The following SLC44A1 variants were observed in gnomAD, a reference collection of about 807,000 sequenced individuals.
SLC44A1 encodes solute carrier family 44 member 1, also known as choline transporter-like protein 1.
Under a neutral mutation model 79.3 loss-of-function variants are expected in SLC44A1, and 26 were observed. The observed-to-expected ratio is 0.33, with a 90% CI of 0.24 to 0.46. The LOEUF (loss-of-function observed/expected upper bound fraction) is 0.46. Among genes scored for constraint, SLC44A1 ranks in the 20% least tolerant of loss-of-function variants. The pLI, the probability that SLC44A1 is intolerant of heterozygous loss-of-function variation, is 1.00. For missense variants in SLC44A1, 688 were observed against 798.1 expected (o/e 0.86, Z 1.66); for synonymous variants, 263 against 286.2 (o/e 0.92, Z 0.82).
At chr9:105,358,864 G>A (rs1016717933) in intron 7 of SLC44A1, among the ~76,000 whole-genome samples, 15 of 151,926 alleles carry the variant, frequency 9.9e-5, no homozygotes, top group South Asian at 8.3e-4. Context: ...GATGGTATAC[G>A]TTACATTTTC....
At position 105,411,446 on chromosome 9, in the gene SLC44A1, C is replaced by CTGTG. The variant is rs1156343764; in HGVS notation, c.1950+25946_1950+25949dup. Among the ~76,000 whole-genome samples, 1,107 of 142,752 alleles carry CTGTG rather than the reference C, an allele frequency of 7.8e-3. 19 individuals carry two copies. Among genetic ancestry groups the CTGTG allele is most frequent in the African/African-American group, 0.029 (1,060 of 36,698 alleles). 93.7% of individuals were successfully genotyped at this position (142,752 alleles called of 152,430 possible). A position where few individuals can be genotyped will look rare whatever the true frequency, so the allele number is the denominator to read the frequency against. On this transcript the variant is annotated intron_variant, in intron 15 of 15. Transcript: ENST00000374724. ...TGTCTCCATCTCTCTTGGTCTCTCTCTGTGTATGTGTGTGTGTGTGTGTGT... is the reference window on the plus strand; with the variant it reads ...TGTCTCCATCTCTCTTGGTCTCTCTCTGTGTGTGTATGTGTGTGTGTGTGTGTGT...
intron 13 of SLC44A1, among the ~76,000 whole-genome samples, chr9:105,375,032 T>C (rs1170919740): frequency 1.3e-5 from 2 of 152,162 alleles, no homozygotes; most frequent in Admixed American, 1.3e-4. Flanking sequence ...GTGTTGTTTT[T>C]TTGTTGTTGT....
intron 3 of SLC44A1, among the ~76,000 whole-genome samples, chr9:105,310,209 C>T (rs535303629): frequency 6.6e-6 from 1 of 151,756 alleles, no homozygotes; most frequent in South Asian, 2.1e-4. Context: ...ATATTTTCCT[C>T]TAAGATTATG....
chr9:105,374,840 T>C (rs1248550649), intron 13 of SLC44A1, 105 bp downstream of exon 13: 4 of 814,772 alleles, frequency 4.9e-6, no homozygotes, highest in Non-Finnish European at 7.9e-6. Context: ...AAAAGTAATA[T>C]ATAGCGAGTA....
intron 15 of SLC44A1, among the ~76,000 whole-genome samples, chr9:105,403,506 G>A (rs1475881584): frequency 1.3e-5 from 2 of 151,628 alleles, no homozygotes; most frequent in African/African-American, 4.8e-5. Context: ...AAAACAGAAA[G>A]ATAAGTCTTC....
At chr9:105,363,342 T>G (rs1459997284) in intron 9 of SLC44A1, among the ~76,000 whole-genome samples, 2 of 151,948 alleles carry the variant, frequency 1.3e-5, no homozygotes, top group East Asian at 1.9e-4. Context: ...TTTGTATTTT[T>G]AGTAGAGACA....
chr9:105,391,380 CA>C lies in SLC44A1; in HGVS notation c.*2327del, dbSNP rs932876625. The C allele has an allele frequency of 1.0e-6, 1 of 983,490 alleles. No homozygotes were observed. The highest frequency in any genetic ancestry group is 1.7e-5 in the African/African-American group (1 of 57,166). 60.9% of individuals were successfully genotyped at this position (983,490 alleles called of 1,614,324 possible). Reference sequence around the variant, plus strand: ...ATTTTATATAACAGGTCCTGTTTTACAAATAAATTTTGTTTTACTAACATTG... The same window carrying C: ...ATTTTATATAACAGGTCCTGTTTTACAATAAATTTTGTTTTACTAACATTG... On this transcript the variant is annotated 3_prime_UTR_variant, in exon 16 of 16. Coordinates refer to ENST00000374720, the MANE Select transcript of SLC44A1 (RefSeq NM_080546.5).
At chr9:105,368,579 C>A (rs2131426488) in intron 12 of SLC44A1, among the ~76,000 whole-genome samples, 1 of 152,224 alleles carries the variant, frequency 6.6e-6, no homozygotes, top group South Asian at 2.1e-4. Context: ...TTGCTCTTTC[C>A]AGTATATCAC....
intron 1 of SLC44A1, among the ~76,000 whole-genome samples, chr9:105,255,852 A>G (rs1417154477): frequency 3.9e-5 from 6 of 152,168 alleles, no homozygotes; most frequent in Non-Finnish European, 7.4e-5. Context: ...CAATAATAAA[A>G]CTTGCCTCAG....
At chr9:105,383,732 G>T (rs1828546749) in intron 14 of SLC44A1, among the ~76,000 whole-genome samples, 1 of 152,196 alleles carries the variant, frequency 6.6e-6, no homozygotes, top group Non-Finnish European at 1.5e-5. Flanking sequence ...GTGCCTACCT[G>T]TCTTTCTCTA....
intron 1 of SLC44A1, among the ~76,000 whole-genome samples, chr9:105,283,915 G>A (rs576089194): frequency 6.6e-6 from 1 of 152,264 alleles, no homozygotes; most frequent in Admixed American, 6.5e-5. Flanking sequence ...TCAGAAGGTT[G>A]CCTGATGACA....
At chr9:105,380,509 C>G (rs368401500) in intron 13 of SLC44A1, among the ~76,000 whole-genome samples, 16 of 151,868 alleles carry the variant, frequency 1.1e-4, no homozygotes, top group African/African-American at 3.6e-4. Context: ...TAAAGTCATG[C>G]GCCCTATTAA....
Position 105,298,772 on chromosome 9 carries a change from T to G in SLC44A1, c.37-448T>G, listed in dbSNP as rs144668438. ...ACAAAGAAAAAGCTAGCATTAAGAGTGAAGTTGGAAGAGTGTATTCATTTA... is the reference window on the plus strand; with the variant it reads ...ACAAAGAAAAAGCTAGCATTAAGAGGGAAGTTGGAAGAGTGTATTCATTTA... On this transcript the variant is annotated intron_variant, in intron 1 of 15. Transcript: ENST00000374720. Among the ~76,000 whole-genome samples, 267 of 151,978 alleles carry G rather than the reference T, an allele frequency of 1.8e-3. 2 individuals are homozygous for G. The highest frequency in any genetic ancestry group is 6.3e-3 in the African/African-American group (259 of 41,438).
intron 1 of SLC44A1, among the ~76,000 whole-genome samples, chr9:105,246,256 C>G (rs558505358): frequency 6.6e-6 from 1 of 152,242 alleles, no homozygotes; most frequent in South Asian, 2.1e-4. Context: ...TTTAAATAAC[C>G]TGCATACTTG....
chr9:105,256,168 A>G (rs1199493745), intron 1 of SLC44A1, among the ~76,000 whole-genome samples: 3 of 151,944 alleles, frequency 2.0e-5, no homozygotes. Flanking sequence ...ATGTACCACC[A>G]TGCCTGCTAA....
intron 1 of SLC44A1, among the ~76,000 whole-genome samples, chr9:105,278,123 G>A (rs1453771188): frequency 1.3e-5 from 2 of 151,654 alleles, no homozygotes; most frequent in East Asian, 1.9e-4. Flanking sequence ...GTGCAGTGGC[G>A]CTGTCTCCAC....
intron 3 of SLC44A1, among the ~76,000 whole-genome samples, chr9:105,335,007 G>A (rs999960958): frequency 3.9e-5 from 6 of 152,122 alleles, no homozygotes; most frequent in Non-Finnish European, 7.4e-5. Context: ...AGCGATGACT[G>A]TAGTTGAAAT....
At chr9:105,424,537 T>G (rs1238201849) in intron 15 of SLC44A1, among the ~76,000 whole-genome samples, 3 of 152,224 alleles carry the variant, frequency 2.0e-5, no homozygotes, top group Non-Finnish European at 4.4e-5. Flanking sequence ...TACTGCTAAC[T>G]AGTCATACTA....
Position 105,383,156 on chromosome 9 carries a change from AT to A in SLC44A1, c.1668del (p.Met557CysfsTer16). 1 of 1,614,096 alleles carries A rather than the reference AT, an allele frequency of 6.2e-7. No individual in the cohort carries two copies. The highest frequency in any genetic ancestry group is 8.5e-7 in the Non-Finnish European group (1 of 1,179,940). On this transcript the variant is annotated frameshift_variant, in exon 14 of 16. Coordinates refer to ENST00000374720, the MANE Select transcript of SLC44A1 (RefSeq NM_080546.5). LOFTEE classifies it high-confidence loss of function. ...AGTCTGCAGCACAGGTTTAGCTGGG[AT>A]TATGCTGCTCAACTACCAGCAGGAC... ...LIVCSTGLAG[I>X]MLLNYQQDYT...
Sources: gnomAD v4.1 joint callset for allele counts (sites outside exome capture counted in the v4.1 genomes callset) on GRCh38, gnomAD v4.1.1 for gene constraint, MANE v1.5 for transcripts, NCBI Gene and HGNC (gene_info 2026-07-23, HGNC 2026-07-21) for gene names.